The following NUDT7 variants were observed in gnomAD, a reference collection of about 807,000 sequenced individuals.
The protein encoded by NUDT7 is peroxisomal coenzyme A diphosphatase NUDT7.
In NUDT7, 19 loss-of-function variants were observed where a neutral mutation model predicts 13.1. The ratio of observed to expected loss-of-function variants is 1.45; its 90% confidence interval spans 1.01 to 2.13. The LOEUF (loss-of-function observed/expected upper bound fraction) is 2.13, where lower values mean the gene tolerates loss of function less well. NUDT7 is among the 30% of genes most tolerant of loss of function. The pLI is 0.00. For synonymous variants in NUDT7, 132 were observed against 109.7 expected, an observed-to-expected ratio of 1.20 and a Z score of -1.27; for missense variants, 360 against 291.7, an observed-to-expected ratio of 1.23 and a Z score of -1.71.
chr16:77,738,753 T>C (rs2014568066), intron 3 of NUDT7, among the ~76,000 whole-genome samples: 1 of 152,180 alleles, frequency 6.6e-6, no homozygotes, highest in South Asian at 2.1e-4. Flanking sequence ...ACATAAGCCT[T>C]CCAGGCAGGC....
At position 77,741,940 on chromosome 16, in the gene NUDT7, G is replaced by A; in HGVS notation, c.707G>A (p.Ser236Asn). The A allele has an allele frequency of 1.3e-6, 2 of 1,597,616 alleles. No homozygotes were observed. Among genetic ancestry groups the A allele is most frequent in the Non-Finnish European group, 8.5e-7 (1 of 1,172,702 alleles). The part of the protein sequence containing the change: ...LFLKVHKKAT[S>N]RL ...CTGAAGGTTCATAAAAAAGCTACAA[G>A]CAGGTTATGATTTACTAGAGCAAGA... The change falls in exon 4 of 4, where the codon AGC (serine) becomes AAC (asparagine). Residue 236 changes from serine (S) to asparagine (N), a missense_variant. Ser to Asn is a conservative substitution (Grantham distance 46). Transcript: ENST00000268533.
At chr16:77,736,645 TA>T in intron 3 of NUDT7, 1 of 247,962 alleles carries the variant, frequency 4.0e-6, no homozygotes. Flanking sequence ...TTTTTTTTTT[TA>T]TAGAGATGGG....
chr16:77,726,798 A>AAAAG (rs1173582461), intron 2 of NUDT7, among the ~76,000 whole-genome samples: 2 of 152,162 alleles, frequency 1.3e-5, no homozygotes, highest in African/African-American at 2.4e-5. Flanking sequence ...CCATCTCAAA[A>AAAAG]AAAGAAAGAA....
Position 77,735,929 on chromosome 16 carries a change from G to C in NUDT7, c.291G>C (p.Val97=). The C allele has an allele frequency of 6.2e-7, 1 of 1,613,948 alleles. No individual in the cohort carries two copies. Among genetic ancestry groups the C allele is most frequent in the East Asian group, 2.2e-5 (1 of 44,854 alleles). ...ATALREAQEE[V]GLRPHQVEVV... ...CTCTCCGGGAAGCCCAGGAGGAAGT[G>C]GGTCTCCGTCCTCACCAAGTGGAAG... The change falls in exon 3 of 4, where the codon GTG becomes GTC. Residue 97 remains valine (V), a synonymous_variant. Transcript: ENST00000268533.
rs758238269 is a variant in NUDT7 at position 77,725,602 on chromosome 16, T to G, written c.189+18T>G. 6.2e-7 allele frequency: 1 copy of G among 1,612,318 alleles called. No homozygotes were observed. The highest frequency in any genetic ancestry group is 2.2e-5 in the East Asian group (1 of 44,838). ...CAGAGAAGGTAGGTGGACAAAAAAT[T>G]TCCTGCCCTTAAACCTCAGGACATC... On this transcript the variant is annotated intron_variant, in intron 2 of 3. Transcript: ENST00000268533.
intron 3 of NUDT7, among the ~76,000 whole-genome samples, chr16:77,738,379 T>C (rs981930156): frequency 6.6e-6 from 1 of 152,140 alleles, no homozygotes; most frequent in African/African-American, 2.4e-5. Flanking sequence ...AATGGCGTGA[T>C]TGAGAGATTA....
intron 2 of NUDT7, chr16:77,735,403 G>C (rs1346798812): frequency 1.7e-6 from 1 of 600,086 alleles, no homozygotes; most frequent in African/African-American, 1.8e-5. Context: ...GCCATGTGAA[G>C]TGCTTGCTCC....
intron 1 of NUDT7, among the ~76,000 whole-genome samples, chr16:77,724,435 C>CTTTT (rs11421866): frequency 6.9e-6 from 1 of 144,948 alleles, no homozygotes; most frequent in Non-Finnish European, 1.5e-5. Context: ...CTAATTTATG[C>CTTTT]TTTTTTTTTT....
intron 1 of NUDT7, among the ~76,000 whole-genome samples, chr16:77,724,738 C>T (rs151086332): frequency 1.2e-3 from 179 of 152,338 alleles, no homozygotes; most frequent in African/African-American, 4.1e-3. Context: ...AGCAGTAGAA[C>T]ACACCTGTCA....
rs575228172 is a variant in NUDT7 at position 77,734,831 on chromosome 16, G to C, written c.190-997G>C. The stretch of plus-strand genomic sequence containing the variant: ...GGTAAATCCACAGAGACAGAAAGCA[G>C]GGACAGAGGGAGAGGGGAATGAGAA... On this transcript the variant is annotated intron_variant, in intron 2 of 3. Coordinates refer to ENST00000268533, the MANE Select transcript of NUDT7 (RefSeq NM_001105663.3). 2.0e-5 allele frequency among the ~76,000 whole-genome samples: 3 copies of C among 152,230 alleles called. No individual in the cohort carries two copies. In the East Asian group the frequency reaches 5.8e-4, roughly 29 times the overall value.
intron 2 of NUDT7, among the ~76,000 whole-genome samples, chr16:77,732,047 C>T (rs988670635): frequency 1.3e-5 from 2 of 151,864 alleles, no homozygotes; most frequent in East Asian, 1.9e-4. Context: ...AGAAAAAGGC[C>T]GGGGGGTGGT....
chr16:77,737,769 G>A (rs572451092), intron 3 of NUDT7, among the ~76,000 whole-genome samples: 1 of 152,302 alleles, frequency 6.6e-6, no homozygotes, highest in East Asian at 1.9e-4. Flanking sequence ...ATAGACGTGA[G>A]CCACCACACC....
chr16:77,729,416 A>G (rs1026665534), intron 2 of NUDT7, among the ~76,000 whole-genome samples: 87 of 152,032 alleles, frequency 5.7e-4, no homozygotes, highest in African/African-American at 3.6e-4. Context: ...ACCACACACA[A>G]TACCTCACAT....
intron 2 of NUDT7, among the ~76,000 whole-genome samples, chr16:77,731,785 AG>A (rs1213317576): frequency 6.6e-6 from 1 of 152,184 alleles, no homozygotes; most frequent in African/African-American, 2.4e-5. Context: ...AGGTAGAGGT[AG>A]AAGACAGTGA....
chr16:77,737,691 TAGTC>T (rs1442802126), intron 3 of NUDT7, among the ~76,000 whole-genome samples: 2 of 152,240 alleles, frequency 1.3e-5, no homozygotes, highest in Non-Finnish European at 2.9e-5. Context: ...TTCACCGTGT[TAGTC>T]AGGATGGTCT....
chr16:77,726,223 C>T (rs765042570), intron 2 of NUDT7, among the ~76,000 whole-genome samples: 4 of 152,234 alleles, frequency 2.6e-5, no homozygotes, highest in Non-Finnish European at 5.9e-5. Context: ...CCTCTCTGTA[C>T]TTCAGTCTTT....
chr16:77,735,482 A>G, intron 2 of NUDT7: 1 of 654,566 alleles, frequency 1.5e-6, no homozygotes, highest in Middle Eastern at 2.5e-4. Flanking sequence ...CGCCAGCATC[A>G]TGCTCCCTGT....
intron 2 of NUDT7, among the ~76,000 whole-genome samples, chr16:77,734,517 G>A (rs906412385): frequency 6.6e-6 from 1 of 152,144 alleles, no homozygotes. Flanking sequence ...CAGCTACTCA[G>A]GAAGCTGAGG....
intron 2 of NUDT7, among the ~76,000 whole-genome samples, chr16:77,731,757 A>G (rs2014325333): frequency 6.6e-6 from 1 of 152,100 alleles, no homozygotes; most frequent in African/African-American, 2.4e-5. Flanking sequence ...GCCCCTGAAG[A>G]CCTTCCAGTG....
Sources: gnomAD v4.1 joint callset for allele counts (sites outside exome capture counted in the v4.1 genomes callset) on GRCh38, gnomAD v4.1.1 for gene constraint, MANE v1.5 for transcripts, NCBI Gene and HGNC (gene_info 2026-07-23, HGNC 2026-07-21) for gene names.